The following KCNMA1 variants were observed in gnomAD, a reference collection of about 807,000 sequenced individuals.
KCNMA1 encodes Calcium-activated potassium channel subunit alpha-1.
Under a neutral mutation model 140.0 loss-of-function variants are expected in KCNMA1, and 29 were observed. The ratio of observed to expected loss-of-function variants is 0.21; its 90% CI spans 0.15 to 0.28. The LOEUF (loss-of-function observed/expected upper bound fraction) is 0.28, where lower values mean the gene tolerates loss of function less well. Ranked by LOEUF, KCNMA1 falls within the 10% of genes least tolerant of loss-of-function variation. The pLI is 1.00. For missense variants in KCNMA1, 880 were observed against 1,602.2 expected (o/e 0.55, Z 7.70); for synonymous variants, 612 against 611.9 (o/e 1.00, Z 0.00).
At chr10:77,123,174 C>T (rs185040126) in intron 5 of KCNMA1, among the ~76,000 whole-genome samples, 8 of 79,758 alleles carry the variant, frequency 1.0e-4, no homozygotes, top group Non-Finnish European at 1.8e-4. Context: ...AGCGAGACTC[C>T]GTCTCAAAAA....
intron 1 of KCNMA1, among the ~76,000 whole-genome samples, chr10:77,474,015 T>G (rs1268523898): frequency 6.6e-6 from 1 of 152,104 alleles, no homozygotes; most frequent in Non-Finnish European, 1.5e-5. Flanking sequence ...GTCACAATGA[T>G]GAAGGGTGGG....
intron 19 of KCNMA1, among the ~76,000 whole-genome samples, chr10:76,982,328 G>GAA (rs11317483): frequency 2.1e-5 from 3 of 144,398 alleles, no homozygotes; most frequent in African/African-American, 7.7e-5. Context: ...AATTGTTCAG[G>GAA]AAAAAAAAAA....
chr10:76,973,584 G>A (rs1490142477), intron 19 of KCNMA1, among the ~76,000 whole-genome samples: 1 of 152,158 alleles, frequency 6.6e-6, no homozygotes, highest in Non-Finnish European at 1.5e-5. Context: ...ACAATGTTCT[G>A]AGAATTGATT....
intron 1 of KCNMA1, among the ~76,000 whole-genome samples, chr10:77,406,776 C>G (rs150700145): frequency 6.6e-6 from 1 of 152,272 alleles, no homozygotes; most frequent in African/African-American, 2.4e-5. Context: ...CGTCCCACAT[C>G]TGAGGCTCTA....
chr10:77,283,126 G>T (rs1224321925), intron 2 of KCNMA1, among the ~76,000 whole-genome samples: 1 of 152,226 alleles, frequency 6.6e-6, no homozygotes, highest in African/African-American at 2.4e-5. Flanking sequence ...CTAGTCTGCG[G>T]CAACAGATGA....
chr10:77,577,212 A>G (rs1199083992), intron 1 of KCNMA1, among the ~76,000 whole-genome samples: 1 of 150,226 alleles, frequency 6.7e-6, no homozygotes, highest in African/African-American at 2.5e-5. Context: ...ATGCCCGGCT[A>G]ATTTTTTTGT....
chr10:77,627,354 C>T (rs734949), intron 1 of KCNMA1, among the ~76,000 whole-genome samples: 84,324 of 152,046 alleles, frequency 0.55, 24,702 homozygotes, highest in African/African-American at 0.74. Flanking sequence ...ATACAAGGCA[C>T]GTGACATTGA....
At chr10:76,913,622 G>A (rs2051326943) in intron 24 of KCNMA1, 1 of 155,692 alleles carries the variant, frequency 6.4e-6, no homozygotes, top group Non-Finnish European at 1.4e-5. Flanking sequence ...TGCCATCTTA[G>A]GTTTCTTATC....
At chr10:77,386,413 C>G (rs142569215) in intron 2 of KCNMA1, among the ~76,000 whole-genome samples, 1 of 152,152 alleles carries the variant, frequency 6.6e-6, no homozygotes, top group Non-Finnish European at 1.5e-5. Context: ...AATTGAGGAA[C>G]GAATGAGGAG....
At chr10:77,521,731 T>C (rs938483044) in intron 1 of KCNMA1, among the ~76,000 whole-genome samples, 1 of 152,220 alleles carries the variant, frequency 6.6e-6, no homozygotes, top group African/African-American at 2.4e-5. Context: ...ATCTGGTCCC[T>C]TGAGAGTGAT....
chr10:77,485,636 C>T (rs1197563662), intron 1 of KCNMA1, among the ~76,000 whole-genome samples: 2 of 152,152 alleles, frequency 1.3e-5, no homozygotes, highest in African/African-American at 4.8e-5. Context: ...ATCTCAGAGC[C>T]CATAGAGAAG....
chr10:76,938,713 C>T (rs557629452), intron 23 of KCNMA1, among the ~76,000 whole-genome samples: 1 of 152,292 alleles, frequency 6.6e-6, no homozygotes, highest in East Asian at 1.9e-4. Context: ...GCCCAACCCA[C>T]ATTTCAACTT....
intron 5 of KCNMA1, among the ~76,000 whole-genome samples, chr10:77,134,998 A>AAG (rs2097965309): frequency 1.1e-5 from 1 of 90,498 alleles, no homozygotes; most frequent in Admixed American, 1.2e-4. Flanking sequence ...ACTCTGTCTC[A>AAG]AAAAAAAAAA....
At chr10:77,450,265 A>G (rs958997117) in intron 1 of KCNMA1, among the ~76,000 whole-genome samples, 1 of 151,286 alleles carries the variant, frequency 6.6e-6, no homozygotes, top group Non-Finnish European at 1.5e-5. Context: ...CATGTTGGCC[A>G]GGTTGGTCTC....
At chr10:77,504,346 A>G (rs1475042287) in intron 1 of KCNMA1, among the ~76,000 whole-genome samples, 4 of 152,142 alleles carry the variant, frequency 2.6e-5, no homozygotes, top group Non-Finnish European at 4.4e-5. Context: ...CTTCAAGTGT[A>G]ACCTTCATCA....
chr10:77,143,281 T>C (rs1381635538), intron 5 of KCNMA1, among the ~76,000 whole-genome samples: 1 of 152,144 alleles, frequency 6.6e-6, no homozygotes, highest in East Asian at 1.9e-4. Context: ...AAATGAAAAT[T>C]AATTAATGTA....
At chr10:77,478,166 G>A (rs187327694) in intron 1 of KCNMA1, among the ~76,000 whole-genome samples, 80 of 152,256 alleles carry the variant, frequency 5.3e-4, no homozygotes, top group East Asian at 1.3e-3. Flanking sequence ...CCCTGCTTGC[G>A]TTTTAAAGGG....
intron 1 of KCNMA1, among the ~76,000 whole-genome samples, chr10:77,596,653 T>A (rs1266840648): frequency 6.6e-6 from 1 of 152,174 alleles, no homozygotes; most frequent in East Asian, 1.9e-4. Flanking sequence ...AATCCAATGT[T>A]CGACAAGGTG....
At chr10:77,109,798 A>G (rs373922694) in intron 8 of KCNMA1, among the ~76,000 whole-genome samples, 1 of 152,184 alleles carries the variant, frequency 6.6e-6, no homozygotes, top group East Asian at 1.9e-4. Context: ...CTGTCTCTAC[A>G]AAGTATCGAC....
Sources: gnomAD v4.1 joint callset for allele counts (sites outside exome capture counted in the v4.1 genomes callset) on GRCh38, gnomAD v4.1.1 for gene constraint, MANE v1.5 for transcripts, NCBI Gene and HGNC (gene_info 2026-07-23, HGNC 2026-07-21) for gene names.